CDK5RAP2: variants seen among roughly 807,000 people sequenced by gnomAD.
CDK5RAP2 encodes CDK5 regulatory subunit associated protein 2.
Under a neutral mutation model 232.9 loss-of-function variants are expected in CDK5RAP2, and 147 were observed. The observed-to-expected ratio is 0.63, with a 90% CI of 0.55 to 0.72. The LOEUF is 0.72. Ranked by LOEUF, CDK5RAP2 falls within the 30% of genes least tolerant of loss-of-function variation. CDK5RAP2 has a pLI of 0.00. For synonymous variants in CDK5RAP2, 833 were observed against 833.7 expected (o/e 1.00, Z 0.01); for missense variants, 2,195 against 2,231.5 (o/e 0.98, Z 0.33).
At chr9:120,565,136 G>C (rs569002211) in intron 3 of CDK5RAP2, among the ~76,000 whole-genome samples, 13 of 152,232 alleles carry the variant, frequency 8.5e-5, no homozygotes, top group Non-Finnish European at 1.6e-4. Context: ...AAATAGAAAG[G>C]AATTGCTTTG....
intron 1 of CDK5RAP2, 144 bp from the exon 2 acceptor site, chr9:120,572,185 G>C: frequency 1.4e-6 from 1 of 712,374 alleles, no homozygotes; most frequent in East Asian, 2.6e-5. Context: ...GAAGCACAGA[G>C]GTTAAGAACT....
intron 14 of CDK5RAP2, among the ~76,000 whole-genome samples, chr9:120,479,725 T>C (rs1199835818): frequency 2.6e-5 from 4 of 152,232 alleles, no homozygotes; most frequent in African/African-American, 9.6e-5. Context: ...ATTTTAGAAC[T>C]GTTCCAAACT....
At chr9:120,481,502 CTT>C (rs544616509) in intron 14 of CDK5RAP2, among the ~76,000 whole-genome samples, 48 of 133,762 alleles carry the variant, frequency 3.6e-4, no homozygotes, top group African/African-American at 1.0e-3. Flanking sequence ...ATATTGTTTT[CTT>C]TTTTTTTTTT....
rs370378596 is a variant in CDK5RAP2, at chr9:120,394,644, G to C, written c.5452-6C>G. ...TCTGCCTTCATTTCTCCAATCTAAAGAGAAGAGAAATTAGAAAAATGAACA... is the reference window on the plus strand; with the variant it reads ...TCTGCCTTCATTTCTCCAATCTAAACAGAAGAGAAATTAGAAAAATGAACA... On this transcript the variant is annotated splice_region_variant and splice_polypyrimidine_tract_variant and intron_variant, in intron 35 of 37. Transcript: ENST00000349780. The C allele has an allele frequency of 3.1e-6, 5 of 1,603,548 alleles. No homozygotes were observed. The highest frequency in any genetic ancestry group is 4.3e-6 in the Non-Finnish European group (5 of 1,170,950).
intron 3 of CDK5RAP2, among the ~76,000 whole-genome samples, chr9:120,556,069 G>T (rs1416234554): frequency 6.6e-6 from 1 of 152,158 alleles, no homozygotes; most frequent in Non-Finnish European, 1.5e-5. Flanking sequence ...AAAAAAAAGG[G>T]AAGTTGTTGA....
intron 23 of CDK5RAP2, 75 bp downstream of exon 23, chr9:120,443,545 A>G: frequency 6.6e-7 from 1 of 1,526,538 alleles, no homozygotes; most frequent in South Asian, 1.1e-5. Flanking sequence ...GCTTAGTAAT[A>G]ATTTTTAGAT....
In CDK5RAP2 at chr9:120,448,023, C is replaced by T. The variant is rs555459862; in HGVS notation, c.2897G>A (p.Ser966Asn). The change falls in exon 22 of 38, where the codon AGC becomes AAC. Residue 966 changes from serine (S) to asparagine (N), a missense_variant. Ser to Asn is a conservative substitution (Grantham distance 46, BLOSUM62 1). Coordinates refer to ENST00000349780, the MANE Select transcript of CDK5RAP2 (RefSeq NM_018249.6). ...CTCCCCCTGCAGCTCCAAGATCTGG[C>T]TCTGCAGCTGCGTCACCACCTCCTG... Reference protein sequence around the residue: ...ATQEVVTQLQSQILELQGELK... With the variant: ...ATQEVVTQLQNQILELQGELK... The T allele has an allele frequency of 2.5e-6, 4 of 1,614,016 alleles. No homozygotes were observed. The highest frequency in any genetic ancestry group is 2.5e-6 in the Non-Finnish European group (3 of 1,179,862).
chr9:120,437,615 C>G, intron 24 of CDK5RAP2, 88 bp from the exon 25 acceptor site: 1 of 972,310 alleles, frequency 1.0e-6, no homozygotes, highest in Admixed American at 1.8e-5. Context: ...TGACAGAGTA[C>G]AATTTTTAAA....
chr9:120,579,911 C>G lies in CDK5RAP2; in HGVS notation c.59+9G>C, dbSNP rs2043180220. The stretch of plus-strand genomic sequence containing the variant: ...CCGGTTACCACGACCACCAATGCCC[C>G]GGCCGCACCTGCAGCCGCTGAGCGT... On this transcript the variant is annotated intron_variant, in intron 1 of 37. Transcript: ENST00000349780. 9 of 1,610,884 alleles carry G rather than the reference C, an allele frequency of 5.6e-6. No individual in the cohort carries two copies. Among genetic ancestry groups the G allele is most frequent in the Middle Eastern group, 1.6e-4 (1 of 6,062 alleles).
intron 10 of CDK5RAP2, among the ~76,000 whole-genome samples, 171 bp from the exon 11 acceptor site, chr9:120,525,249 GCAAGGTACTTAA>G (rs1412990958): frequency 6.6e-6 from 1 of 152,100 alleles, no homozygotes; most frequent in Admixed American, 6.6e-5. Context: ...ATGACTTCAG[GCAAGGTACTTAA>G]CATCTTTGAG....
chr9:120,415,512 C>A (rs1246191563), intron 27 of CDK5RAP2, among the ~76,000 whole-genome samples: 1 of 152,204 alleles, frequency 6.6e-6, no homozygotes, highest in Non-Finnish European at 1.5e-5. Context: ...ACTTTCAAGT[C>A]TGCTTGAATT....
chr9:120,435,288 A>G (rs1463868532), intron 25 of CDK5RAP2, among the ~76,000 whole-genome samples: 2 of 152,216 alleles, frequency 1.3e-5, no homozygotes, highest in African/African-American at 4.8e-5. Flanking sequence ...CTATGTGTAT[A>G]TATTACAGAA....
chr9:120,456,967 GA>G (rs1424398297), intron 20 of CDK5RAP2, among the ~76,000 whole-genome samples: 1 of 152,182 alleles, frequency 6.6e-6, no homozygotes, highest in Non-Finnish European at 1.5e-5. Context: ...TTCAGTCCAA[GA>G]GACTTCTCAG....
chr9:120,529,747 G>T (rs1229225704), intron 8 of CDK5RAP2, among the ~76,000 whole-genome samples: 1 of 152,216 alleles, frequency 6.6e-6, no homozygotes, highest in African/African-American at 2.4e-5. Context: ...GAGGTAAGCA[G>T]GTAGGGACTG....
intron 3 of CDK5RAP2, among the ~76,000 whole-genome samples, chr9:120,565,951 A>C (rs1488607902): frequency 2.0e-5 from 3 of 152,212 alleles, no homozygotes; most frequent in Admixed American, 2.0e-4. Flanking sequence ...GCACAGTGGC[A>C]TATATTAAAA....
At chr9:120,540,163 G>A (rs1395187936) in intron 5 of CDK5RAP2, among the ~76,000 whole-genome samples, 1 of 152,126 alleles carries the variant, frequency 6.6e-6, no homozygotes, top group Non-Finnish European at 1.5e-5. Context: ...CAAATCAGAC[G>A]CAGGACTACA....
intron 27 of CDK5RAP2, among the ~76,000 whole-genome samples, chr9:120,419,167 A>G (rs934854870): frequency 4.6e-5 from 7 of 152,232 alleles, no homozygotes; most frequent in Non-Finnish European, 8.8e-5. Flanking sequence ...GCAACCTGGA[A>G]GAAGGCCCTC....
intron 26 of CDK5RAP2, among the ~76,000 whole-genome samples, chr9:120,422,487 T>C (rs1350423978): frequency 6.6e-6 from 1 of 152,186 alleles, no homozygotes; most frequent in African/African-American, 2.4e-5. Flanking sequence ...ACAAGTAACC[T>C]GAAATGAATG....
chr9:120,560,817 A>T (rs2042437606), intron 3 of CDK5RAP2, among the ~76,000 whole-genome samples: 1 of 151,992 alleles, frequency 6.6e-6, no homozygotes, highest in Non-Finnish European at 1.5e-5. Flanking sequence ...GGGTTTCACC[A>T]TGTTGGCCAG....
Sources: gnomAD v4.1 joint callset for allele counts (sites outside exome capture counted in the v4.1 genomes callset) on GRCh38, gnomAD v4.1.1 for gene constraint, MANE v1.5 for transcripts, NCBI Gene and HGNC (gene_info 2026-07-23, HGNC 2026-07-21) for gene names.